Variants in ELFN1 observed in about 807,000 individuals in gnomAD.
The protein encoded by ELFN1 is extracellular leucine rich repeat and fibronectin type III domain containing 1, also known as protein ELFN1.
A neutral mutation model predicts 7.6 loss-of-function variants in ELFN1; 6 were observed. The ratio of observed to expected loss-of-function variants is 0.79; its 90% CI spans 0.43 to 1.56. ELFN1 has a LOEUF of 1.56. Among genes scored for constraint, ELFN1 ranks in the 40% most tolerant of loss-of-function variants. ELFN1 has a pLI of 0.01. For synonymous variants in ELFN1, 657 were observed against 588.1 expected, an observed-to-expected ratio of 1.12 and a Z score of -1.70; for missense variants, 1,169 against 1,232.2, an observed-to-expected ratio of 0.95 and a Z score of 0.77.
intron 2 of ELFN1, among the ~76,000 whole-genome samples, chr7:1,697,975 AGCCG>A (rs932538872): frequency 6.6e-6 from 1 of 152,184 alleles, no homozygotes; most frequent in African/African-American, 2.4e-5. Flanking sequence ...CTTCCCGCAG[AGCCG>A]GCCGGCGGGC....
intron 3 of ELFN1, among the ~76,000 whole-genome samples, chr7:1,716,016 GCT>G: frequency 6.6e-6 from 1 of 152,326 alleles, no homozygotes; most frequent in South Asian, 2.1e-4. Context: ...GGGCGCCATT[GCT>G]CACCAGCTGT....
chr7:1,746,399 G>C lies in ELFN1; in HGVS notation c.1803G>C (p.Leu601=), dbSNP rs1182024157. 4.6e-6 allele frequency: 7 copies of C among 1,535,048 alleles called. No individual in the cohort carries two copies. The Admixed American group carries it at 1.2e-4, about 26-fold the overall frequency. The change falls in exon 4 of 4, where the codon CTG becomes CTC. Residue 601 remains leucine, a synonymous_variant. Transcript: ENST00000424383. ...TCGCGGAGCCGCCGCTGGTGCTGCTGTCCGAGCCGCTGGCCGCCAAGCACG... is the reference window on the plus strand; with the variant it reads ...TCGCGGAGCCGCCGCTGGTGCTGCTCTCCGAGCCGCTGGCCGCCAAGCACG... The part of the protein sequence containing the change: ...VSVAEPPLVL[L]SEPLAAKHGF...
rs569330953 is a variant in ELFN1 at position 1,696,195 on chromosome 7, C to T, written c.-456+8045C>T. Among the ~76,000 whole-genome samples, 379 of 141,790 alleles carry T rather than the reference C, an allele frequency of 2.7e-3. 3 individuals are homozygous for T. Among genetic ancestry groups the T allele is most frequent in the African/African-American group, 9.7e-3 (353 of 36,502 alleles). The allele number at this position is 141,790 out of a possible 152,430, so 93.0% of individuals were successfully genotyped here. On this transcript the variant is annotated intron_variant, in intron 2 of 3. Transcript: ENST00000424383. The stretch of plus-strand genomic sequence containing the variant: ...GAGAGAGTGTGTGTGTGTGTGTGTG[C>T]GTGTGTATGTGAGAGAGAGAGGGAG...
upstream of ELFN1, among the ~76,000 whole-genome samples, chr7:1,669,806 G>A (rs1420007433): frequency 6.6e-6 from 1 of 152,180 alleles, no homozygotes; most frequent in African/African-American, 2.4e-5. Context: ...CCTTGGCTTT[G>A]CTTGAGGTGG....
rs1248673095 is a variant in ELFN1 at position 1,745,360 on chromosome 7, A to T, written c.764A>T (p.Tyr255Phe). The change falls in exon 4 of 4, where the codon TAC becomes TTC. Residue 255 changes from tyrosine (Y) to phenylalanine (F), a missense_variant. Coordinates refer to ENST00000424383, the MANE Select transcript of ELFN1 (RefSeq NM_001128636.4). ...CAGTCAGTCTGCACCGAGGACTCGT[A>T]CGCGGCTGAGGTGGTCGGGCCCCCA... ...KLQSVCTEDS[Y>F]AAEVVGPPRP... The T allele has an allele frequency of 1.3e-6, 2 of 1,539,530 alleles. No homozygotes were observed. The highest frequency in any genetic ancestry group is 1.7e-6 in the Non-Finnish European group (2 of 1,146,354).
intron 2 of ELFN1, among the ~76,000 whole-genome samples, chr7:1,708,625 G>C (rs1199542286): frequency 6.6e-6 from 1 of 152,166 alleles, no homozygotes; most frequent in African/African-American, 2.4e-5. Flanking sequence ...CAGTCCAGCT[G>C]TTGTTTCATC....
intron 1 of ELFN1, among the ~76,000 whole-genome samples, chr7:1,682,943 T>C (rs574211050): frequency 6.6e-6 from 1 of 152,220 alleles, no homozygotes; most frequent in Non-Finnish European, 1.5e-5. Flanking sequence ...ATTATTTTTC[T>C]ATATCTATTA....
chr7:1,677,574 A>G (rs1778895064), intron 1 of ELFN1, among the ~76,000 whole-genome samples: 1 of 152,164 alleles, frequency 6.6e-6, no homozygotes, highest in African/African-American at 2.4e-5. Context: ...GGGAGTGTGC[A>G]CACACGTGCA....
chr7:1,715,318 T>G (rs544980353), intron 3 of ELFN1, among the ~76,000 whole-genome samples: 1 of 152,316 alleles, frequency 6.6e-6, no homozygotes, highest in East Asian at 1.9e-4. Context: ...CGGCCCACTG[T>G]GGGGCATCCC....
At position 1,670,802 on chromosome 7, in the gene ELFN1, A is replaced by T. The variant is rs941182462; in HGVS notation, c.-549+448A>T. On this transcript the variant is annotated intron_variant, in intron 1 of 3. Coordinates refer to ENST00000424383, the MANE Select transcript of ELFN1 (RefSeq NM_001128636.4). The surrounding 1 kb of genome is among the most constrained non-coding windows in gnomAD (Gnocchi z 6.4). The stretch of plus-strand genomic sequence containing the variant: ...GTCGCTGACCCCTCCCCAGGCTCGC[A>T]TCGCCCTCCCTGCTGGGCCGCCCTC... Among the ~76,000 whole-genome samples, 1 of 151,638 alleles carries T rather than the reference A, an allele frequency of 6.6e-6. No individual in the cohort carries two copies. Among genetic ancestry groups the T allele is most frequent in the Admixed American group, 6.6e-5 (1 of 15,262 alleles).
At position 1,746,101 on chromosome 7, in the gene ELFN1, C is replaced by G; in HGVS notation, c.1505C>G (p.Ala502Gly). The change falls in exon 4 of 4, where the codon GCG (alanine) becomes GGG (glycine). Residue 502 changes from alanine to glycine, a missense_variant. Ala to Gly is a moderately conservative substitution (Grantham distance 60, BLOSUM62 0). Transcript: ENST00000424383. Reference sequence around the variant, plus strand: ...GTGACGCGCATCCCTTACCTGCCTGCGGCCGGCGAGGTGGAGCAGTACAAG... The same window carrying G: ...GTGACGCGCATCCCTTACCTGCCTGGGGCCGGCGAGGTGGAGCAGTACAAG... ...EAVTRIPYLP[A>G]AGEVEQYKLV... The G allele has an allele frequency of 1.3e-6, 2 of 1,546,676 alleles. No individual in the cohort carries two copies. The highest frequency in any genetic ancestry group is 1.7e-6 in the Non-Finnish European group (2 of 1,144,772).
intron 3 of ELFN1, among the ~76,000 whole-genome samples, chr7:1,741,576 T>G (rs1780615223): frequency 1.3e-5 from 2 of 149,898 alleles, no homozygotes; most frequent in East Asian, 2.0e-4. Context: ...ATGGGGGGAG[T>G]GGGGCATGGT....
In ELFN1 at chr7:1,746,886, T is replaced by C. The variant is rs1780818414; in HGVS notation, c.2290T>C (p.Ser764Pro). The part of the protein sequence containing the change: ...SPQYHSLSYS[S>P]SPEYTCRASQ... ...GCAGTACCACAGCCTGAGCTACTCC[T>C]CCAGCCCCGAGTACACCTGCCGGGC... The change falls in exon 4 of 4, where the codon TCC (serine) becomes CCC (proline). Residue 764 changes from serine to proline, a missense_variant. Around this residue, in one of 2 missense-constraint regions of ELFN1, gnomAD observed 914 missense variants for 872.6 expected, o/e 1.05. Transcript: ENST00000424383. 7.1e-6 allele frequency: 11 copies of C among 1,545,166 alleles called. No individual in the cohort carries two copies. The highest frequency in any genetic ancestry group is 9.6e-6 in the Non-Finnish European group (11 of 1,144,294).
intron 3 of ELFN1, among the ~76,000 whole-genome samples, chr7:1,726,024 A>G (rs28368695): frequency 0.014 from 2,111 of 152,090 alleles, 52 homozygotes; most frequent in African/African-American, 0.049. Context: ...ACACGCAAAT[A>G]CACAACTTGC....
Position 1,733,766 on chromosome 7 carries a change from G to T in ELFN1, c.-293-10538G>T, listed in dbSNP as rs568266608. ...CTCTAGCACAATTAACAGCAGCCAG[G>T]AAACACAGATTCAGTCATTGTGGTA... On this transcript the variant is annotated intron_variant, in intron 3 of 3. Coordinates refer to ENST00000424383, the MANE Select transcript of ELFN1 (RefSeq NM_001128636.4). Among the ~76,000 whole-genome samples the T allele has an allele frequency of 1.1e-4, 16 of 152,268 alleles. No individual in the cohort carries two copies. In the South Asian group the frequency reaches 2.5e-3, roughly 24 times the overall value.
At chr7:1,699,915 G>C (rs1779390855) in intron 2 of ELFN1, among the ~76,000 whole-genome samples, 1 of 151,686 alleles carries the variant, frequency 6.6e-6, no homozygotes, top group Admixed American at 6.6e-5. Flanking sequence ...GGCCAGGCTG[G>C]TCTCGAACTC....
chr7:1,722,186 G>T (rs1351489862), intron 3 of ELFN1, among the ~76,000 whole-genome samples: 1 of 151,828 alleles, frequency 6.6e-6, no homozygotes, highest in Non-Finnish European at 1.5e-5. Flanking sequence ...ACCAAATCAG[G>T]ACCCCAGAGT....
In ELFN1 at chr7:1,735,340, C is replaced by T. The variant is rs1219242931; in HGVS notation, c.-293-8964C>T. 6.6e-6 allele frequency among the ~76,000 whole-genome samples: 1 copy of T among 152,096 alleles called. No individual in the cohort carries two copies. The highest frequency in any genetic ancestry group is 1.5e-5 in the Non-Finnish European group (1 of 67,992). The stretch of plus-strand genomic sequence containing the variant: ...TGGTAAGGTCGTCAGGCACTCGGCA[C>T]CGTTCCCATAGCCCCTTGACCTTCC... On this transcript the variant is annotated intron_variant, in intron 3 of 3. Transcript: ENST00000424383. This position sits in a 1 kb window ranked among gnomAD's most constrained non-coding sequence, Gnocchi z 5.9.
intron 1 of ELFN1, among the ~76,000 whole-genome samples, chr7:1,675,098 G>C (rs1022481467): frequency 7.5e-5 from 5 of 67,042 alleles, no homozygotes; most frequent in African/African-American, 6.2e-4. Context: ...GGCAGCCCAC[G>C]GCGTGGAGGT....
Sources: gnomAD v4.1 joint callset for allele counts (sites outside exome capture counted in the v4.1 genomes callset) on GRCh38, gnomAD v4.1.1 for gene constraint, gnomAD v4.1.1 regional missense constraint, Gnocchi (gnomAD v3.1) non-coding constraint, MANE v1.5 for transcripts, NCBI Gene and HGNC (gene_info 2026-07-23, HGNC 2026-07-21) for gene names.